Variants in RFX6 observed in about 807,000 individuals in gnomAD.
RFX6 encodes DNA-binding protein RFX6.
A neutral mutation model predicts 110.8 loss-of-function variants in RFX6; 50 were observed. That is an observed-to-expected ratio of 0.45 (90% CI 0.36 to 0.57). RFX6 has a LOEUF of 0.57. Among genes scored for constraint, RFX6 ranks in the 20% least tolerant of loss-of-function variants. RFX6 has a pLI of 0.00. For missense variants in RFX6, 990 were observed against 1,127.0 expected, an observed-to-expected ratio of 0.88 and a Z score of 1.74; for synonymous variants, 383 against 411.2, an observed-to-expected ratio of 0.93 and a Z score of 0.83.
chr6:116,898,169 G>A (rs1231496251), intron 6 of RFX6, among the ~76,000 whole-genome samples: 2 of 152,154 alleles, frequency 1.3e-5, no homozygotes, highest in Non-Finnish European at 2.9e-5. Flanking sequence ...GAGTGGAAAG[G>A]ATCCATGGAA....
intron 6 of RFX6, among the ~76,000 whole-genome samples, chr6:116,902,951 C>G (rs979560152): frequency 6.6e-6 from 1 of 151,972 alleles, no homozygotes; most frequent in East Asian, 1.9e-4. Context: ...TCTGTAGGGT[C>G]CTTCTTGTTT....
Position 116,922,018 on chromosome 6 carries a change from CTTTTTTT to C in RFX6, c.1328-16_1328-10del, listed in dbSNP as rs77230084. ...TACAATATTCTGTTTTCTTTTCTTTCTTTTTTTTTTTTTTCCTGGGTAGATGACTCTA... is the reference window on the plus strand; with the variant it reads ...TACAATATTCTGTTTTCTTTTCTTTCTTTTTTTCCTGGGTAGATGACTCTA... On this transcript the variant is annotated splice_polypyrimidine_tract_variant and intron_variant, in intron 12 of 18. Coordinates refer to ENST00000332958, the MANE Select transcript of RFX6 (RefSeq NM_173560.4). 1.5e-6 allele frequency: 1 copy of C among 659,904 alleles called. No individual in the cohort carries two copies. The highest frequency in any genetic ancestry group is 2.7e-5 in the Admixed American group (1 of 36,860). 40.9% of individuals were successfully genotyped at this position (659,904 alleles called of 1,614,324 possible).
In RFX6 at chr6:116,901,532, T is replaced by C. The variant is rs182747068; in HGVS notation, c.672+6325T>C. Among the ~76,000 whole-genome samples, 494 of 152,258 alleles carry C rather than the reference T, an allele frequency of 3.2e-3. 1 individual carries two copies. Among genetic ancestry groups the C allele is most frequent in the African/African-American group, 0.012 (478 of 41,556 alleles). ...CCCAACAGAATTATAGCAAAGTATA[T>C]GAAGAGGCAATTAATTCAGGATAAA... On this transcript the variant is annotated intron_variant, in intron 6 of 18. Transcript: ENST00000332958.
intron 17 of RFX6, among the ~76,000 whole-genome samples, chr6:116,928,099 GT>G (rs1393467742): frequency 6.7e-6 from 1 of 149,064 alleles, no homozygotes; most frequent in Non-Finnish European, 1.5e-5. Flanking sequence ...AAAAAAGATA[GT>G]TAAATCATAT....
chr6:116,919,069 CAATT>C, intron 10 of RFX6, 64 bp from the exon 11 acceptor site: 1 of 1,373,970 alleles, frequency 7.3e-7, no homozygotes. Context: ...TAGTATACCT[CAATT>C]AAAATATGAT....
At position 116,897,927 on chromosome 6, in the gene RFX6, T is replaced by C. The variant is rs77881889; in HGVS notation, c.672+2720T>C. On this transcript the variant is annotated intron_variant, in intron 6 of 18. Transcript: ENST00000332958. ...ACTTCAAGATTTAGTTTGATGGTGATTGAAGCCATGGTAATGGATAAAAAT... is the reference window on the plus strand; with the variant it reads ...ACTTCAAGATTTAGTTTGATGGTGACTGAAGCCATGGTAATGGATAAAAAT... Among the ~76,000 whole-genome samples, 594 of 152,166 alleles carry C rather than the reference T, an allele frequency of 3.9e-3. 5 individuals are homozygous for C. Among genetic ancestry groups the C allele is most frequent in the Middle Eastern group, 0.024 (7 of 294 alleles).
At chr6:116,895,116 A>G (rs1774914995) in intron 5 of RFX6, 64 bp from the exon 6 acceptor site, 7 of 849,398 alleles carry the variant, frequency 8.2e-6, no homozygotes, top group South Asian at 4.0e-5. Context: ...GGTTGTCTAC[A>G]TATCATTGAA....
At chr6:116,913,083 T>C (rs998280299) in intron 7 of RFX6, among the ~76,000 whole-genome samples, 11 of 152,184 alleles carry the variant, frequency 7.2e-5, no homozygotes, top group African/African-American at 2.7e-4. Context: ...TTTTTTCTTT[T>C]GAGACAGACC....
chr6:116,930,888 G>A (rs532927562), intron 18 of RFX6, among the ~76,000 whole-genome samples: 3 of 152,194 alleles, frequency 2.0e-5, no homozygotes, highest in Admixed American at 6.5e-5. Context: ...CATTTGAGAC[G>A]AGTGAAAGTT....
In RFX6 at chr6:116,877,936, C is replaced by A. The variant is rs1236143208; in HGVS notation, c.364C>A (p.Gln122Lys). 6.2e-7 allele frequency: 1 copy of A among 1,614,140 alleles called. No homozygotes were observed. The highest frequency in any genetic ancestry group is 8.5e-7 in the Non-Finnish European group (1 of 1,180,010). ...QIVKDKKKQTQLTLQWLEENY... is the reference protein window; with the variant it reads ...QIVKDKKKQTKLTLQWLEENY... ...TGTGAAGGATAAAAAGAAGCAGACA[C>A]AGCTCACGCTGCAGTGGTGAGACTC... is the stretch of plus-strand genomic sequence containing the variant. The change falls in exon 2 of 19, where the codon CAG becomes AAG. Residue 122 changes from glutamine (Q) to lysine (K), a missense_variant. Gln to Lys is a moderately conservative substitution (Grantham distance 53). Transcript: ENST00000332958.
chr6:116,908,593 A>G (rs1404869618), intron 6 of RFX6, among the ~76,000 whole-genome samples: 1 of 151,918 alleles, frequency 6.6e-6, no homozygotes, highest in Non-Finnish European at 1.5e-5. Flanking sequence ...GTATTTTACC[A>G]CTAAGTAAGA....
intron 6 of RFX6, among the ~76,000 whole-genome samples, chr6:116,907,640 C>G (rs2114685090): frequency 6.6e-6 from 1 of 152,166 alleles, no homozygotes; most frequent in Non-Finnish European, 1.5e-5. Context: ...AGTTTGTGGC[C>G]TAACATATGG....
chr6:116,908,683 C>G (rs990547891), intron 6 of RFX6, among the ~76,000 whole-genome samples: 8 of 98,736 alleles, frequency 8.1e-5, no homozygotes, highest in African/African-American at 2.7e-4. Flanking sequence ...CACACACACA[C>G]ACACAGACAC....
At position 116,926,323 on chromosome 6, in the gene RFX6, G is replaced by A. The variant is rs538443470; in HGVS notation, c.1885+664G>A. On this transcript the variant is annotated intron_variant, in intron 16 of 18. Coordinates refer to ENST00000332958, the MANE Select transcript of RFX6 (RefSeq NM_173560.4). ...ACAAACAAACAAAAAAACTGGATTC[G>A]GCCATTTTAGGATAATCGTTACAAT... is the stretch of plus-strand genomic sequence containing the variant. 4.6e-5 allele frequency among the ~76,000 whole-genome samples: 7 copies of A among 152,182 alleles called. No individual in the cohort carries two copies. The South Asian group carries it at 1.5e-3, about 32-fold the overall frequency.
intron 4 of RFX6, among the ~76,000 whole-genome samples, chr6:116,891,124 G>A (rs1307852043): frequency 6.6e-6 from 1 of 152,106 alleles, no homozygotes; most frequent in Non-Finnish European, 1.5e-5. Flanking sequence ...ATGACAGCAG[G>A]CATCAGAAGG....
At chr6:116,915,277 CTT>C (rs201647670) in intron 7 of RFX6, among the ~76,000 whole-genome samples, 1 of 151,946 alleles carries the variant, frequency 6.6e-6, no homozygotes, top group African/African-American at 2.4e-5. Flanking sequence ...ATGTTTGAAA[CTT>C]TTTTTTGGAA....
chr6:116,886,912 A>C (rs1774710545), intron 4 of RFX6, among the ~76,000 whole-genome samples: 1 of 151,982 alleles, frequency 6.6e-6, no homozygotes. Flanking sequence ...AAAATACAAA[A>C]ATTAGCTGGG....
intron 6 of RFX6, among the ~76,000 whole-genome samples, chr6:116,900,143 T>C (rs991510054): frequency 6.6e-6 from 1 of 152,250 alleles, no homozygotes; most frequent in African/African-American, 2.4e-5. Context: ...AACTCTTTCA[T>C]ATCTTGCTGA....
At chr6:116,929,320 T>G (rs1381146776) in intron 18 of RFX6, among the ~76,000 whole-genome samples, 1 of 152,222 alleles carries the variant, frequency 6.6e-6, no homozygotes, top group Non-Finnish European at 1.5e-5. Context: ...TTTCTCACTC[T>G]TGATTAGTGT....
Sources: gnomAD v4.1 joint callset for allele counts (sites outside exome capture counted in the v4.1 genomes callset) on GRCh38, gnomAD v4.1.1 for gene constraint, MANE v1.5 for transcripts, NCBI Gene and HGNC (gene_info 2026-07-23, HGNC 2026-07-21) for gene names.